Variants in TXK observed in about 807,000 individuals in gnomAD.
TXK encodes the protein TXK tyrosine kinase.
TXK carries 60 observed loss-of-function variants against 81.0 expected under a neutral mutation model. That is an observed-to-expected ratio of 0.74 (90% CI 0.60 to 0.92). The LOEUF is 0.92. Among genes scored for constraint, TXK ranks in the 40% least tolerant of loss-of-function variants. The probability of loss-of-function intolerance (pLI) is 0.00; values close to 1 mark genes in which losing one functional copy is unlikely to be tolerated. For synonymous variants in TXK, 203 were observed against 210.7 expected (o/e 0.96, Z 0.32); for missense variants, 581 against 638.3 (o/e 0.91, Z 0.97).
chr4:48,123,376 T>C (rs1454878627), intron 1 of TXK, among the ~76,000 whole-genome samples: 1 of 152,202 alleles, frequency 6.6e-6, no homozygotes, highest in East Asian at 1.9e-4. Flanking sequence ...CTCACTATCC[T>C]TAGTAAGAAA....
At chr4:48,122,176 A>G (rs1455232609) in intron 1 of TXK, among the ~76,000 whole-genome samples, 2 of 152,100 alleles carry the variant, frequency 1.3e-5, no homozygotes, top group East Asian at 3.8e-4. Context: ...ACCCCACAAT[A>G]GCTCCCCATT....
intron 10 of TXK, among the ~76,000 whole-genome samples, chr4:48,083,877 G>A (rs1384628902): frequency 6.6e-6 from 1 of 152,182 alleles, no homozygotes; most frequent in Non-Finnish European, 1.5e-5. Flanking sequence ...AAAGCATTTG[G>A]CAGTGGGTAT....
chr4:48,074,897 G>A (rs576976299), intron 12 of TXK, among the ~76,000 whole-genome samples: 1 of 152,094 alleles, frequency 6.6e-6, no homozygotes, highest in African/African-American at 2.4e-5. Flanking sequence ...AAAAGCCACT[G>A]TTTATAGATT....
intron 13 of TXK, 122 bp from the exon 14 acceptor site, chr4:48,071,796 T>G (rs1273611631): frequency 9.3e-7 from 1 of 1,080,716 alleles, no homozygotes; most frequent in Non-Finnish European, 1.3e-6. Context: ...ATAACCATCC[T>G]GAATAACAGC....
chr4:48,084,104 G>A (rs1717414630), intron 10 of TXK, among the ~76,000 whole-genome samples: 2 of 152,126 alleles, frequency 1.3e-5, no homozygotes, highest in African/African-American at 2.4e-5. Flanking sequence ...GTGTGTGTGT[G>A]TGTATGACAG....
At chr4:48,106,655 C>G (rs1718470369) in intron 5 of TXK, among the ~76,000 whole-genome samples, 2 of 151,892 alleles carry the variant, frequency 1.3e-5, no homozygotes, top group Non-Finnish European at 2.9e-5. Flanking sequence ...TCTAGAAACC[C>G]CATTAGATCT....
chr4:48,117,806 T>C (rs1718852300), intron 1 of TXK, among the ~76,000 whole-genome samples: 1 of 152,218 alleles, frequency 6.6e-6, no homozygotes, highest in Non-Finnish European at 1.5e-5. Context: ...TTGCAAGATG[T>C]TGTCTTCCAG....
rs144044978 is a variant in TXK at position 48,122,571 on chromosome 4, T to A, written c.17-8169A>T. ...TAACATGCTGTGCAATTTATTTACC[T>A]TTTTTTCTTTGCTGTTTGTCTACCT... On this transcript the variant is annotated intron_variant, in intron 1 of 14. Transcript: ENST00000264316. Among the ~76,000 whole-genome samples the A allele has an allele frequency of 2.8e-3, 432 of 152,356 alleles. 4 individuals carry two copies. Among genetic ancestry groups the A allele is most frequent in the African/African-American group, 0.01 (417 of 41,574 alleles).
intron 5 of TXK, 110 bp from the exon 6 acceptor site, chr4:48,105,065 G>T: frequency 1.5e-6 from 1 of 678,142 alleles, no homozygotes; most frequent in Admixed American, 3.4e-5. Context: ...AGCTTAGAAA[G>T]TTGAGTGTTT....
At chr4:48,101,576 A>C (rs535922400) in intron 6 of TXK, among the ~76,000 whole-genome samples, 16 of 152,120 alleles carry the variant, frequency 1.1e-4, no homozygotes, top group Non-Finnish European at 2.2e-4. Context: ...GATTTAATCC[A>C]GGTGTATTTT....
At position 48,089,737 on chromosome 4, in the gene TXK, G is replaced by A. The variant is rs1304454794; in HGVS notation, c.784+13C>T. 5 of 1,609,318 alleles carry A rather than the reference G, an allele frequency of 3.1e-6. No individual in the cohort carries two copies. The highest frequency in any genetic ancestry group is 2.2e-5 in the East Asian group (1 of 44,816). Reference sequence around the variant, plus strand: ...GATTTGCTATTTTACTTCAGCATGTGTGCACACTTTACCGTAGCTAAACCC... The same window carrying A: ...GATTTGCTATTTTACTTCAGCATGTATGCACACTTTACCGTAGCTAAACCC... On this transcript the variant is annotated intron_variant, in intron 9 of 14. Transcript: ENST00000264316.
intron 1 of TXK, among the ~76,000 whole-genome samples, chr4:48,120,226 C>T (rs6826413): frequency 3.1e-4 from 28 of 91,022 alleles, no homozygotes; most frequent in Non-Finnish European, 4.6e-4. Context: ...TACATATATA[C>T]GTATATATGT....
At chr4:48,095,702 C>T (rs1223100760) in intron 6 of TXK, among the ~76,000 whole-genome samples, 1 of 151,984 alleles carries the variant, frequency 6.6e-6, no homozygotes. Context: ...AAAGAAAGAA[C>T]AGATATGGGG....
intron 12 of TXK, 65 bp from the exon 13 acceptor site, chr4:48,074,118 C>T: frequency 8.0e-7 from 1 of 1,244,514 alleles, no homozygotes; most frequent in Non-Finnish European, 1.2e-6. Context: ...CTTCAAATCC[C>T]TTTAGTTAAC....
intron 4 of TXK, 88 bp downstream of exon 4, chr4:48,112,219 A>G (rs1718654511): frequency 1.7e-6 from 2 of 1,204,296 alleles, no homozygotes; most frequent in South Asian, 2.7e-5. Flanking sequence ...CATTTCATGC[A>G]GAGGGAAGAG....
chr4:48,099,090 A>C (rs1164975394), intron 6 of TXK, among the ~76,000 whole-genome samples: 2 of 152,240 alleles, frequency 1.3e-5, no homozygotes, highest in African/African-American at 4.8e-5. Context: ...GAGGAGCTGA[A>C]ATCATCACTG....
intron 1 of TXK, among the ~76,000 whole-genome samples, chr4:48,133,021 AAAGGCACAATTTTCTTATTGGCTAGAT>A: frequency 6.6e-6 from 1 of 152,248 alleles, no homozygotes. Flanking sequence ...TTAAACTTTC[AAAGGCACAATTTTCTTATTGGCTAGAT>A]AAGAATAACA....
At chr4:48,133,745 A>G (rs1719304442) in intron 1 of TXK, among the ~76,000 whole-genome samples, 1 of 152,062 alleles carries the variant, frequency 6.6e-6, no homozygotes, top group African/African-American at 2.4e-5. Context: ...GTGTGTGTGT[A>G]TGTGTGTGTA....
intron 1 of TXK, 146 bp from the exon 2 acceptor site, chr4:48,114,548 G>A: frequency 1.3e-6 from 1 of 773,848 alleles, no homozygotes. Context: ...ACAAATAACT[G>A]TCACTAAAGC....
Sources: allele counts gnomAD v4.1 joint callset (sites outside exome capture counted in the v4.1 genomes callset), GRCh38; gene constraint gnomAD v4.1.1; transcripts MANE v1.5; gene names NCBI Gene and HGNC (gene_info 2026-07-23, HGNC 2026-07-21).